The following RPH3A variants were observed in gnomAD, a reference collection of about 807,000 sequenced individuals.
The protein encoded by RPH3A is rabphilin-3A.
RPH3A carries 48 observed loss-of-function variants against 102.2 expected under a neutral mutation model. The ratio of observed to expected loss-of-function variants is 0.47; its 90% CI spans 0.37 to 0.60. RPH3A has a LOEUF of 0.60. Among genes scored for constraint, RPH3A ranks in the 20% least tolerant of loss-of-function variants. The pLI, the probability that RPH3A is intolerant of heterozygous loss-of-function variation, is 0.00. For synonymous variants in RPH3A, 310 were observed against 324.3 expected, an observed-to-expected ratio of 0.96 and a Z score of 0.47; for missense variants, 781 against 910.1, an observed-to-expected ratio of 0.86 and a Z score of 1.83.
At chr12:112,680,260 C>T (rs911360689) in intron 1 of RPH3A, among the ~76,000 whole-genome samples, 4 of 152,186 alleles carry the variant, frequency 2.6e-5, no homozygotes, top group East Asian at 1.9e-4. Context: ...ATATAACTGG[C>T]TTTGGGTCCC....
chr12:112,683,547 A>G (rs2040241212), intron 1 of RPH3A, among the ~76,000 whole-genome samples: 1 of 152,172 alleles, frequency 6.6e-6, no homozygotes, highest in Admixed American at 6.5e-5. Context: ...GGAAGAGTGA[A>G]CTGAGGATAC....
chr12:112,575,648 C>T (rs978537920), intron 1 of RPH3A, among the ~76,000 whole-genome samples: 1 of 152,052 alleles, frequency 6.6e-6, no homozygotes, highest in African/African-American at 2.4e-5. Flanking sequence ...TAGCTCCTCT[C>T]CGGTAGCCAC....
intron 1 of RPH3A, among the ~76,000 whole-genome samples, chr12:112,757,006 T>A (rs1023865143): frequency 1.3e-5 from 2 of 152,240 alleles, no homozygotes; most frequent in African/African-American, 4.8e-5. Context: ...TCTTTTCAAA[T>A]GCGTACGAGC....
intron 3 of RPH3A, among the ~76,000 whole-genome samples, chr12:112,829,469 G>C (rs977898163): frequency 6.6e-6 from 1 of 152,018 alleles, no homozygotes; most frequent in African/African-American, 2.4e-5. Flanking sequence ...ATAGGGTCTT[G>C]CTATGTTGAC....
chr12:112,776,556 A>G (rs1167428099), intron 1 of RPH3A, among the ~76,000 whole-genome samples: 6 of 151,982 alleles, frequency 3.9e-5, no homozygotes, highest in African/African-American at 1.5e-4. Flanking sequence ...GGGATGAGAG[A>G]GAGAGAGAAA....
rs16942301 is a variant in RPH3A at position 112,875,902 on chromosome 12, T to A, written c.946+161T>A. ...CGAGTCTAAAACTTTAGATAGTCCG[T>A]ACTAAGATTAGCTAGATAGAAATGC... is the stretch of plus-strand genomic sequence containing the variant. On this transcript the variant is annotated intron_variant, in intron 12 of 21. Coordinates refer to ENST00000389385, the MANE Select transcript of RPH3A (RefSeq NM_001143854.2). Among the ~76,000 whole-genome samples, 1,002 of 152,296 alleles carry A rather than the reference T, an allele frequency of 6.6e-3. 10 individuals are homozygous for A. Among genetic ancestry groups the A allele is most frequent in the African/African-American group, 0.023 (937 of 41,558 alleles).
Position 112,875,162 on chromosome 12 carries a change from G to A in RPH3A, c.875G>A (p.Gly292Glu), listed in dbSNP as rs1276101895. The A allele has an allele frequency of 1.9e-6, 3 of 1,600,928 alleles. No homozygotes were observed. Among genetic ancestry groups the A allele is most frequent in the African/African-American group, 1.3e-5 (1 of 74,718 alleles). ...SVQSPAPPQPGQPGTPGGSRP... is the reference protein window; with the variant it reads ...SVQSPAPPQPEQPGTPGGSRP... The stretch of plus-strand genomic sequence containing the variant: ...CAGAGCCCAGCGCCACCTCAGCCTG[G>A]GCAGCCAGGTACCTGCCACTCACCT... The change falls in exon 11 of 22, where the codon GGG (glycine) becomes GAG (glutamate). Residue 292 changes from glycine to glutamate, a missense_variant. Coordinates refer to ENST00000389385, the MANE Select transcript of RPH3A (RefSeq NM_001143854.2).
intron 1 of RPH3A, among the ~76,000 whole-genome samples, chr12:112,734,898 C>G (rs1037982748): frequency 6.6e-6 from 1 of 152,166 alleles, no homozygotes; most frequent in Non-Finnish European, 1.5e-5. Flanking sequence ...GTGGTTTTAG[C>G]TGGCTTCTTT....
At chr12:112,742,573 A>G (rs996086108) in intron 1 of RPH3A, among the ~76,000 whole-genome samples, 4 of 152,196 alleles carry the variant, frequency 2.6e-5, no homozygotes, top group East Asian at 1.9e-4. Context: ...AATTTAACTC[A>G]GGGCTGTTTT....
rs1158230534 is a variant in RPH3A, at chr12:112,640,325, C to CAAAAAAAAAAAAA, written c.-140+65035_-140+65047dup. 2.8e-4 allele frequency among the ~76,000 whole-genome samples: 4 copies of CAAAAAAAAAAAAA among 14,078 alleles called. 1 individual carries two copies. The highest frequency in any genetic ancestry group is 8.3e-4 in the Non-Finnish European group (3 of 3,598). The allele number at this position is 14,078 out of a possible 152,430, so 9.2% of individuals were successfully genotyped here. A position where few individuals can be genotyped will look rare whatever the true frequency, so the allele number is the denominator to read the frequency against. On this transcript the variant is annotated intron_variant, in intron 1 of 21. Transcript: ENST00000543106. ...GGTCAACAAGAGCAAAACTCCATCT[C>CAAAAAAAAAAAAA]AAAAAAAAAAAAAAAAAAAAAAAAA...
At chr12:112,581,640 T>A (rs1300259380) in intron 1 of RPH3A, among the ~76,000 whole-genome samples, 1 of 152,054 alleles carries the variant, frequency 6.6e-6, no homozygotes, top group Non-Finnish European at 1.5e-5. Context: ...GCTGAAGTGA[T>A]CCACCTGCCT....
At chr12:112,849,707 G>T (rs2042291226) in intron 5 of RPH3A, among the ~76,000 whole-genome samples, 2 of 152,164 alleles carry the variant, frequency 1.3e-5, no homozygotes, top group Admixed American at 6.5e-5. Context: ...CATAATAGGT[G>T]CACAGCAAAA....
At chr12:112,671,088 T>G (rs1196865470) in intron 1 of RPH3A, among the ~76,000 whole-genome samples, 4 of 152,234 alleles carry the variant, frequency 2.6e-5, no homozygotes, top group Non-Finnish European at 5.9e-5. Context: ...CCATGAGCCA[T>G]TTACTTTAAT....
intron 5 of RPH3A, among the ~76,000 whole-genome samples, chr12:112,862,693 A>T (rs1422287896): frequency 6.6e-6 from 1 of 152,168 alleles, no homozygotes; most frequent in Non-Finnish European, 1.5e-5. Context: ...AATCTGGGTC[A>T]CAGCGGAGGC....
In RPH3A at chr12:112,898,513, A is replaced by G. The variant is rs1209929390; in HGVS notation, c.*1733A>G. ...GACTCATTTCTTGCCTTGAATAACC[A>G]TTTTCTAAACATCGAGCTCTTCACC... On this transcript the variant is annotated 3_prime_UTR_variant, in exon 22 of 22. Coordinates refer to ENST00000389385, the MANE Select transcript of RPH3A (RefSeq NM_001143854.2). The G allele has an allele frequency of 6.6e-6, 1 of 152,118 alleles. No individual in the cohort carries two copies. Among genetic ancestry groups the G allele is most frequent in the Admixed American group, 6.5e-5 (1 of 15,270 alleles). 9.4% of individuals were successfully genotyped at this position (152,118 alleles called of 1,614,324 possible).
intron 1 of RPH3A, among the ~76,000 whole-genome samples, chr12:112,764,955 G>A (rs1018581459): frequency 1.1e-4 from 17 of 152,082 alleles, no homozygotes; most frequent in African/African-American, 4.1e-4. Flanking sequence ...GTGTCTGACT[G>A]ATATTAACTT....
intron 1 of RPH3A, among the ~76,000 whole-genome samples, chr12:112,612,988 G>A (rs1228923340): frequency 6.6e-6 from 1 of 152,056 alleles, no homozygotes; most frequent in East Asian, 1.9e-4. Context: ...CTACCTTTCC[G>A]ATAATAATGA....
chr12:112,673,671 C>A lies in RPH3A; in HGVS notation c.-140+98352C>A, dbSNP rs181196797. Among the ~76,000 whole-genome samples, 462 of 152,264 alleles carry A rather than the reference C, an allele frequency of 3.0e-3. 3 individuals are homozygous for A. The highest frequency in any genetic ancestry group is 0.01 in the African/African-American group (431 of 41,540). On this transcript the variant is annotated intron_variant, in intron 1 of 21. Coordinates refer to the RPH3A transcript ENST00000543106. ...ATATTCATCCCTTCAAGCATTTATC[C>A]TTTGAGTTACAAACAATCCAATCAC...
chr12:112,897,043 A>G lies in RPH3A; in HGVS notation c.*263A>G. On this transcript the variant is annotated 3_prime_UTR_variant, in exon 22 of 22. Coordinates refer to ENST00000389385, the MANE Select transcript of RPH3A (RefSeq NM_001143854.2). ...GGATGGGGTTGGGGAGACGTTTACAAAGAGGTTGATCATTTAATAACCTCT... is the reference window on the plus strand; with the variant it reads ...GGATGGGGTTGGGGAGACGTTTACAGAGAGGTTGATCATTTAATAACCTCT... 2.4e-6 allele frequency: 1 copy of G among 421,480 alleles called. No individual in the cohort carries two copies. The highest frequency in any genetic ancestry group is 4.4e-6 in the Non-Finnish European group (1 of 229,608). The allele number at this position is 421,480 out of a possible 1,614,324, so 26.1% of individuals were successfully genotyped here. A position where few individuals can be genotyped will look rare whatever the true frequency, so the allele number is the denominator to read the frequency against.
Sources: gnomAD v4.1 joint callset for allele counts (sites outside exome capture counted in the v4.1 genomes callset) on GRCh38, gnomAD v4.1.1 for gene constraint, MANE v1.5 for transcripts, NCBI Gene and HGNC (gene_info 2026-07-23, HGNC 2026-07-21) for gene names.